The following SEZ6L variants were observed in gnomAD, a reference collection of about 807,000 sequenced individuals.
SEZ6L encodes the protein seizure 6-like protein.
SEZ6L carries 37 observed loss-of-function variants against 106.2 expected under a neutral mutation model. The ratio of observed to expected loss-of-function variants is 0.35; its 90% CI spans 0.27 to 0.46. The LOEUF is 0.46. Ranked by LOEUF, SEZ6L falls within the 20% of genes least tolerant of loss-of-function variation. The pLI, the probability that SEZ6L is intolerant of heterozygous loss-of-function variation, is 1.00. For synonymous variants in SEZ6L, 541 were observed against 570.4 expected, an observed-to-expected ratio of 0.95 and a Z score of 0.73; for missense variants, 1,172 against 1,332.8, an observed-to-expected ratio of 0.88 and a Z score of 1.88.
chr22:26,361,141 G>C (rs1005581413), intron 12 of SEZ6L, among the ~76,000 whole-genome samples: 4 of 151,980 alleles, frequency 2.6e-5, no homozygotes, highest in African/African-American at 7.2e-5. Context: ...TTATTATTTA[G>C]AGTGAGGCTA....
At chr22:26,190,274 T>G (rs1190327824) in intron 1 of SEZ6L, among the ~76,000 whole-genome samples, 1 of 152,176 alleles carries the variant, frequency 6.6e-6, no homozygotes, top group Admixed American at 6.5e-5. Context: ...TTGTCATATG[T>G]GTAAAGTTAC....
chr22:26,348,796 A>AAGGGGGGGGAAGGGGGGGGG (rs2083166412), intron 11 of SEZ6L, among the ~76,000 whole-genome samples: 1 of 13,640 alleles, frequency 7.3e-5, no homozygotes, highest in Non-Finnish European at 1.3e-4. Context: ...AAGGGGAGGG[A>AAGGGGGGGGAAGGGGGGGGG]AGGGGAGGGA....
At chr22:26,371,571 G>A (rs750743377) in intron 13 of SEZ6L, among the ~76,000 whole-genome samples, 1 of 152,056 alleles carries the variant, frequency 6.6e-6, no homozygotes, top group Non-Finnish European at 1.5e-5. Context: ...GGCCGAGGTT[G>A]CAGTGGGCTG....
At chr22:26,368,666 C>T (rs1474678551) in intron 13 of SEZ6L, among the ~76,000 whole-genome samples, 1 of 151,952 alleles carries the variant, frequency 6.6e-6, no homozygotes, top group Non-Finnish European at 1.5e-5. Flanking sequence ...TGGTTGCGCA[C>T]CATTGTGAAT....
At chr22:26,254,231 T>A (rs572246493) in intron 1 of SEZ6L, 6 of 152,322 alleles carry the variant, frequency 3.9e-5, no homozygotes, top group African/African-American at 1.4e-4. Context: ...TCATGCCCTT[T>A]GACCAAAGGA....
chr22:26,310,627 A>G (rs376079931), intron 6 of SEZ6L, 43 bp from the exon 7 acceptor site: 2 of 1,607,704 alleles, frequency 1.2e-6, no homozygotes, highest in Non-Finnish European at 1.7e-6. Flanking sequence ...TCAGTGACCC[A>G]GGAAGATCTG....
At chr22:26,365,641 A>C in intron 13 of SEZ6L, 75 bp downstream of exon 13, 1 of 1,391,006 alleles carries the variant, frequency 7.2e-7, no homozygotes, top group Non-Finnish European at 9.8e-7. Context: ...GGAGTTCTGA[A>C]CTTGCTCTAA....
Position 26,297,044 on chromosome 22 carries a change from G to T in SEZ6L, c.1126G>T (p.Asp376Tyr). The T allele has an allele frequency of 1.2e-6, 2 of 1,613,890 alleles. No homozygotes were observed. The highest frequency in any genetic ancestry group is 2.2e-5 in the South Asian group (2 of 90,998). ...TISVYFRTFQDDGLGTFQLHY... is the reference protein window; with the variant it reads ...TISVYFRTFQYDGLGTFQLHY... ...CTCCGTCTACTTCCGGACCTTCCAGGACGACGGCCTTGGGACCTTCCAGCT... is the reference window on the plus strand; with the variant it reads ...CTCCGTCTACTTCCGGACCTTCCAGTACGACGGCCTTGGGACCTTCCAGCT... Residue 376 changes from aspartate to tyrosine, a missense_variant, in exon 4 of 17, where the codon GAC becomes TAC. Transcript: ENST00000248933.
At chr22:26,379,150 A>G (rs1351981783) in intron 16 of SEZ6L, among the ~76,000 whole-genome samples, 1 of 152,146 alleles carries the variant, frequency 6.6e-6, no homozygotes, top group African/African-American at 2.4e-5. Context: ...TGAGGGCCTC[A>G]ATTTCTTGCG....
chr22:26,290,635 T>A (rs2081080287), intron 1 of SEZ6L, among the ~76,000 whole-genome samples: 1 of 152,208 alleles, frequency 6.6e-6, no homozygotes, highest in African/African-American at 2.4e-5. Context: ...GATCACTTGA[T>A]CCCAGGAGTT....
intron 1 of SEZ6L, among the ~76,000 whole-genome samples, chr22:26,289,388 C>A (rs573472624): frequency 1.8e-4 from 28 of 152,344 alleles, no homozygotes; most frequent in African/African-American, 6.5e-4. Flanking sequence ...TCTAATCCAA[C>A]AAGGTAGATA....
chr22:26,360,912 C>CA (rs200681836), intron 12 of SEZ6L, among the ~76,000 whole-genome samples: 184 of 151,316 alleles, frequency 1.2e-3, no homozygotes, highest in African/African-American at 3.0e-3. Flanking sequence ...AAAACAAAAA[C>CA]AAAAAAAACA....
intron 1 of SEZ6L, among the ~76,000 whole-genome samples, chr22:26,244,967 G>A (rs1191574459): frequency 6.6e-6 from 1 of 152,196 alleles, no homozygotes; most frequent in Non-Finnish European, 1.5e-5. Flanking sequence ...TTTGAGCAGG[G>A]AAATGACATG....
Position 26,338,867 on chromosome 22 carries a change from C to CTTTTTTTTTTT in SEZ6L, c.2016-1562_2016-1552dup, listed in dbSNP as rs71192914. ...CACCACGCCCGGACTTTTTTTTTTT[C>CTTTTTTTTTTT]TTTTTTTTTTTTTTTTTGTAGAGAC... On this transcript the variant is annotated intron_variant, in intron 9 of 16. Transcript: ENST00000248933. Among the ~76,000 whole-genome samples, 263 of 87,448 alleles carry CTTTTTTTTTTT rather than the reference C, an allele frequency of 3.0e-3. 4 individuals are homozygous for CTTTTTTTTTTT. Among genetic ancestry groups the CTTTTTTTTTTT allele is most frequent in the Non-Finnish European group, 3.3e-3 (164 of 49,608 alleles). The allele number at this position is 87,448 out of a possible 152,430, so 57.4% of individuals were successfully genotyped here. A position where few individuals can be genotyped will look rare whatever the true frequency, so the allele number is the denominator to read the frequency against.
chr22:26,256,408 G>T (rs546617439), intron 1 of SEZ6L, among the ~76,000 whole-genome samples: 1 of 152,174 alleles, frequency 6.6e-6, no homozygotes, highest in East Asian at 1.9e-4. Flanking sequence ...TGGCCAAAAG[G>T]CTCTTTCCAA....
At chr22:26,180,394 A>C (rs1939313601) in intron 1 of SEZ6L, among the ~76,000 whole-genome samples, 1 of 152,172 alleles carries the variant, frequency 6.6e-6, no homozygotes, top group Non-Finnish European at 1.5e-5. Flanking sequence ...GTACAATGAA[A>C]TTTTCGGGGT....
At chr22:26,284,973 G>A (rs575232639) in intron 1 of SEZ6L, among the ~76,000 whole-genome samples, 20 of 151,988 alleles carry the variant, frequency 1.3e-4, no homozygotes, top group African/African-American at 4.4e-4. Context: ...TTTGGAGATC[G>A]GAATGAGATC....
At position 26,294,470 on chromosome 22, in the gene SEZ6L, G is replaced by A. The variant is rs753146546; in HGVS notation, c.969+45G>A. On this transcript the variant is annotated intron_variant, in intron 3 of 16. Coordinates refer to ENST00000248933, the MANE Select transcript of SEZ6L (RefSeq NM_021115.5). The stretch of plus-strand genomic sequence containing the variant: ...TCACAGAGGCTGCCTCGTCTAGCAG[G>A]AAGTCTCAGGAGGATTGTCTGAGTC... 5 of 1,592,186 alleles carry A rather than the reference G, an allele frequency of 3.1e-6. No individual in the cohort carries two copies. In the Admixed American group the frequency reaches 5.0e-5, roughly 16 times the overall value.
chr22:26,212,299 T>C (rs898352203), intron 1 of SEZ6L, among the ~76,000 whole-genome samples: 1 of 152,206 alleles, frequency 6.6e-6, no homozygotes, highest in African/African-American at 2.4e-5. Context: ...GCCAGGAAAC[T>C]CCATTTTTAT....
Sources: allele counts gnomAD v4.1 joint callset (sites outside exome capture counted in the v4.1 genomes callset), GRCh38; gene constraint gnomAD v4.1.1; transcripts MANE v1.5; gene names NCBI Gene and HGNC (gene_info 2026-07-23, HGNC 2026-07-21).